ARHGAP10: variants seen among roughly 807,000 people sequenced by gnomAD.
The protein encoded by ARHGAP10 is Rho GTPase activating protein 10.
In ARHGAP10, 87 loss-of-function variants were observed where a neutral mutation model predicts 108.6. The observed-to-expected ratio is 0.80, with a 90% CI of 0.67 to 0.96. The LOEUF (loss-of-function observed/expected upper bound fraction) is 0.96, where lower values mean the gene tolerates loss of function less well. ARHGAP10 is among the 40% of genes least tolerant of loss of function. The pLI is 0.00. For missense variants in ARHGAP10, 939 were observed against 954.5 expected (o/e 0.98, Z 0.21); for synonymous variants, 347 against 341.1 (o/e 1.02, Z -0.19).
intron 1 of ARHGAP10, among the ~76,000 whole-genome samples, chr4:147,803,499 A>T (rs1047045190): frequency 3.3e-5 from 5 of 152,204 alleles, no homozygotes; most frequent in Admixed American, 2.6e-4. Context: ...TTTTAATTAT[A>T]GTCAGCCTTC....
chr4:147,976,236 T>C (rs1049819463), intron 18 of ARHGAP10, among the ~76,000 whole-genome samples: 11 of 152,218 alleles, frequency 7.2e-5, no homozygotes, highest in African/African-American at 2.4e-4. Context: ...AGAAATCTCT[T>C]TAAAAAACAT....
chr4:147,893,220 A>C (rs1320890163), intron 10 of ARHGAP10, among the ~76,000 whole-genome samples: 1 of 151,658 alleles, frequency 6.6e-6, no homozygotes, highest in African/African-American at 2.4e-5. Flanking sequence ...CACCATGCCC[A>C]GCTAATTTTT....
intron 1 of ARHGAP10, among the ~76,000 whole-genome samples, chr4:147,807,917 A>G (rs971162758): frequency 6.6e-6 from 1 of 152,234 alleles, no homozygotes. Context: ...CTTTGGTTGT[A>G]TGGGTGTATA....
intron 18 of ARHGAP10, among the ~76,000 whole-genome samples, chr4:148,003,081 G>A (rs1032761527): frequency 6.6e-5 from 10 of 152,114 alleles, no homozygotes; most frequent in Admixed American, 1.3e-4. Context: ...TACACACTGC[G>A]TTAAATGTGT....
At chr4:147,907,994 C>T (rs1484103420) in intron 11 of ARHGAP10, among the ~76,000 whole-genome samples, 1 of 152,124 alleles carries the variant, frequency 6.6e-6, no homozygotes. Flanking sequence ...AGGTGTGTGT[C>T]ACCATGCCCA....
chr4:147,764,810 G>C (rs900898782), intron 1 of ARHGAP10, among the ~76,000 whole-genome samples: 2 of 152,170 alleles, frequency 1.3e-5, no homozygotes, highest in African/African-American at 4.8e-5. Flanking sequence ...GCTGGGATTA[G>C]AGGCATGAGC....
chr4:148,063,162 G>A lies in ARHGAP10; in HGVS notation c.2042G>A (p.Arg681Gln), dbSNP rs765966630. 5.6e-6 allele frequency: 9 copies of A among 1,614,036 alleles called. No homozygotes were observed. Among genetic ancestry groups the A allele is most frequent in the African/African-American group, 4.0e-5 (3 of 74,898 alleles). ...DWASTIPGQT[R>Q]SSMVQWLNPQ... is the part of the protein sequence containing the mutation. ...CCTACCCTTAGCCCAGGCCAGACCC[G>A]ATCGTCTATGGTCCAGTGGCTTAAC... Residue 681 changes from arginine to glutamine, a missense_variant, in exon 21 of 23, where the codon CGA becomes CAA. Physicochemically the swap from Arg to Gln is conservative, Grantham distance 43 (BLOSUM62 1). Coordinates refer to ENST00000336498, the MANE Select transcript of ARHGAP10 (RefSeq NM_024605.4).
chr4:147,784,863 TA>T (rs1730808295), intron 1 of ARHGAP10, among the ~76,000 whole-genome samples: 1 of 112,852 alleles, frequency 8.9e-6, no homozygotes, highest in Non-Finnish European at 1.7e-5. Context: ...ATAAATATAT[TA>T]TAAAATATAT....
At chr4:147,793,032 G>A (rs946578814) in intron 1 of ARHGAP10, among the ~76,000 whole-genome samples, 5 of 152,118 alleles carry the variant, frequency 3.3e-5, no homozygotes, top group Non-Finnish European at 7.3e-5. Context: ...CAGCTACTCT[G>A]GAGGCTGAGG....
intron 1 of ARHGAP10, among the ~76,000 whole-genome samples, chr4:147,763,775 A>AACAG (rs1729685103): frequency 6.8e-6 from 1 of 146,418 alleles, no homozygotes; most frequent in Admixed American, 6.8e-5. Flanking sequence ...TTTTTTTAAA[A>AACAG]ACAGAGTTTT....
At chr4:147,957,027 C>T (rs1327670511) in intron 16 of ARHGAP10, among the ~76,000 whole-genome samples, 6 of 152,066 alleles carry the variant, frequency 3.9e-5, no homozygotes, top group Non-Finnish European at 7.4e-5. Context: ...GTGGTGAAAA[C>T]GATTGCAGAA....
At chr4:147,794,222 T>G (rs941850501) in intron 1 of ARHGAP10, among the ~76,000 whole-genome samples, 3 of 152,218 alleles carry the variant, frequency 2.0e-5, no homozygotes, top group African/African-American at 7.2e-5. Flanking sequence ...CTTCAGAAAT[T>G]TGTTCATTGA....
chr4:147,789,991 A>ATTTTTTT (rs767313173), intron 1 of ARHGAP10, among the ~76,000 whole-genome samples: 1 of 117,810 alleles, frequency 8.5e-6, no homozygotes, highest in East Asian at 2.6e-4. Flanking sequence ...TGGTGTGTGG[A>ATTTTTTT]TTTTTTTTTT....
intron 1 of ARHGAP10, among the ~76,000 whole-genome samples, chr4:147,782,962 ATATAT>A (rs1041502609): frequency 7.2e-5 from 10 of 138,762 alleles, no homozygotes; most frequent in Non-Finnish European, 1.1e-4. Flanking sequence ...ATTATATATA[ATATAT>A]TAAATTATAT....
At chr4:147,964,562 A>T (rs1012058650) in intron 16 of ARHGAP10, among the ~76,000 whole-genome samples, 2 of 152,214 alleles carry the variant, frequency 1.3e-5, no homozygotes, top group African/African-American at 4.8e-5. Context: ...CCACACTGCG[A>T]GTTCTAAGGG....
At chr4:147,900,910 C>G (rs1185490776) in intron 10 of ARHGAP10, among the ~76,000 whole-genome samples, 1 of 152,178 alleles carries the variant, frequency 6.6e-6, no homozygotes, top group Non-Finnish European at 1.5e-5. Flanking sequence ...TCAAGCAATC[C>G]TCCTGCCTCA....
At chr4:147,909,335 A>G (rs1448851627) in intron 11 of ARHGAP10, among the ~76,000 whole-genome samples, 1 of 152,126 alleles carries the variant, frequency 6.6e-6, no homozygotes, top group Non-Finnish European at 1.5e-5. Context: ...AGCTTATCAG[A>G]GCTTGTTGTT....
intron 14 of ARHGAP10, 28 bp downstream of exon 14, chr4:147,939,927 A>T: frequency 6.3e-7 from 1 of 1,581,514 alleles, no homozygotes; most frequent in Non-Finnish European, 8.7e-7. Context: ...TCATTTTTCC[A>T]TGTGTTATTT....
intron 7 of ARHGAP10, among the ~76,000 whole-genome samples, chr4:147,870,042 G>GTTTCATTTATT: frequency 6.7e-6 from 1 of 148,310 alleles, no homozygotes; most frequent in Non-Finnish European, 1.5e-5. Flanking sequence ...GTGTGTGTGT[G>GTTTCATTTATT]TGTTTCATTT....
Sources: allele counts gnomAD v4.1 joint callset (sites outside exome capture counted in the v4.1 genomes callset), GRCh38; gene constraint gnomAD v4.1.1; transcripts MANE v1.5; gene names NCBI Gene and HGNC (gene_info 2026-07-23, HGNC 2026-07-21).